The following COL14A1 variants were observed in gnomAD, a reference collection of about 807,000 sequenced individuals.
COL14A1 encodes collagen alpha-1(XIV) chain.
COL14A1 carries 136 observed loss-of-function variants against 230.3 expected under a neutral mutation model. That is an observed-to-expected ratio of 0.59 (90% confidence interval 0.51 to 0.68). The LOEUF is 0.68. Among genes scored for constraint, COL14A1 ranks in the 30% least tolerant of loss-of-function variants. The probability of loss-of-function intolerance (pLI) is 0.00; values close to 1 mark genes in which losing one functional copy is unlikely to be tolerated. For missense variants in COL14A1, 1,976 were observed against 2,215.8 expected (o/e 0.89, Z 2.17); for synonymous variants, 792 against 784.1 (o/e 1.01, Z -0.17).
chr8:120,210,015 G>GAA, intron 12 of COL14A1, 114 bp downstream of exon 12: 7 of 837,032 alleles, frequency 8.4e-6, no homozygotes, highest in African/African-American at 1.8e-5. Context: ...TTAGCCAAAA[G>GAA]AAAAAAAAAC....
At chr8:120,359,495 A>C (rs1823115895) in intron 45 of COL14A1, among the ~76,000 whole-genome samples, 1 of 152,132 alleles carries the variant, frequency 6.6e-6, no homozygotes, top group South Asian at 2.1e-4. Context: ...CTCCAATTTA[A>C]ATATTATCAA....
intron 5 of COL14A1, among the ~76,000 whole-genome samples, chr8:120,176,289 A>G (rs951365430): frequency 6.6e-6 from 1 of 152,138 alleles, no homozygotes; most frequent in African/African-American, 2.4e-5. Context: ...GCAGAATTCT[A>G]CCCTCATGGA....
intron 42 of COL14A1, among the ~76,000 whole-genome samples, chr8:120,340,109 AGTGT>A (rs10665249): frequency 0.041 from 5,948 of 143,982 alleles, 175 homozygotes; most frequent in Non-Finnish European, 0.06. Context: ...TGAGTGAGTG[AGTGT>A]GTGTGTGTGT....
intron 2 of COL14A1, among the ~76,000 whole-genome samples, chr8:120,152,335 C>A (rs895802615): frequency 6.6e-6 from 1 of 151,476 alleles, no homozygotes; most frequent in Non-Finnish European, 1.5e-5. Flanking sequence ...TGGTGGCGGG[C>A]GCCTGTAGTC....
chr8:120,228,850 A>G, intron 18 of COL14A1, 81 bp downstream of exon 18: 2 of 1,213,090 alleles, frequency 1.6e-6, no homozygotes, highest in Non-Finnish European at 2.4e-6. Context: ...TTTATTTATT[A>G]TTAACTAGGA....
At chr8:120,222,325 A>ATTAACCATTGCCG (rs1029541440) in intron 14 of COL14A1, among the ~76,000 whole-genome samples, 1 of 152,244 alleles carries the variant, frequency 6.6e-6, no homozygotes, top group African/African-American at 2.4e-5. Flanking sequence ...CATATTTTCA[A>ATTAACCATTGCCG]TTAACCATTG....
intron 5 of COL14A1, among the ~76,000 whole-genome samples, chr8:120,186,009 G>A (rs1295551218): frequency 6.6e-6 from 1 of 152,066 alleles, no homozygotes; most frequent in East Asian, 1.9e-4. Flanking sequence ...CTGACCTCAG[G>A]TGATCCACCC....
intron 18 of COL14A1, among the ~76,000 whole-genome samples, chr8:120,229,088 C>A (rs369252927): frequency 1.4e-5 from 1 of 72,964 alleles, no homozygotes; most frequent in East Asian, 8.6e-4. Context: ...TTTTTTTTTT[C>A]TTTTTATTTT....
intron 44 of COL14A1, 65 bp from the exon 45 acceptor site, chr8:120,345,310 C>A (rs1480791396): frequency 1.2e-5 from 17 of 1,436,210 alleles, no homozygotes; most frequent in Non-Finnish European, 1.6e-5. Flanking sequence ...ACAAATGACA[C>A]CCCTGGTCCT....
chr8:120,235,458 C>G (rs1818411899), intron 19 of COL14A1, among the ~76,000 whole-genome samples: 1 of 152,038 alleles, frequency 6.6e-6, no homozygotes, highest in Admixed American at 6.6e-5. Context: ...CATGCACCAC[C>G]CCTGCCCCCT....
chr8:120,167,959 T>A (rs113283147), intron 4 of COL14A1, among the ~76,000 whole-genome samples: 1 of 152,212 alleles, frequency 6.6e-6, no homozygotes, highest in African/African-American at 2.4e-5. Context: ...AAGTAATTCC[T>A]TAAGTGTTTC....
At chr8:120,267,539 A>G (rs1306819867) in intron 25 of COL14A1, among the ~76,000 whole-genome samples, 1 of 151,916 alleles carries the variant, frequency 6.6e-6, no homozygotes, top group Non-Finnish European at 1.5e-5. Flanking sequence ...TGTACCACCC[A>G]GAAGTGGTAA....
intron 2 of COL14A1, among the ~76,000 whole-genome samples, chr8:120,154,786 T>C (rs1815408019): frequency 6.6e-6 from 1 of 152,066 alleles, no homozygotes; most frequent in South Asian, 2.1e-4. Flanking sequence ...GTTAAGTATA[T>C]GTTAAAAAAA....
chr8:120,147,021 C>T (rs1310475385), intron 1 of COL14A1, among the ~76,000 whole-genome samples: 1 of 151,960 alleles, frequency 6.6e-6, no homozygotes, highest in African/African-American at 2.4e-5. Flanking sequence ...CTGCCTCTCT[C>T]CCTTTCTCCC....
intron 25 of COL14A1, 80 bp downstream of exon 25, chr8:120,266,963 G>T (rs1305040058): frequency 1.7e-6 from 2 of 1,209,832 alleles, no homozygotes; most frequent in Non-Finnish European, 2.4e-6. Flanking sequence ...TTTCAAACCA[G>T]GATATTAATA....
At chr8:120,260,722 C>T (rs1055218330) in intron 23 of COL14A1, among the ~76,000 whole-genome samples, 4 of 152,148 alleles carry the variant, frequency 2.6e-5, no homozygotes, top group Admixed American at 2.0e-4. Context: ...CAACAATGCT[C>T]TGTGCCTACG....
At chr8:120,300,632 A>T (rs1383493188) in intron 35 of COL14A1, 100 bp from the exon 36 acceptor site, 1 of 911,274 alleles carries the variant, frequency 1.1e-6, no homozygotes, top group African/African-American at 1.7e-5. Flanking sequence ...TGCACTTGAA[A>T]ATCTAAAAAT....
At chr8:120,206,290 A>T (rs1043992358) in intron 9 of COL14A1, among the ~76,000 whole-genome samples, 6 of 152,198 alleles carry the variant, frequency 3.9e-5, no homozygotes, top group East Asian at 1.9e-4. Flanking sequence ...GATAAAAAAA[A>T]CTTCTTAAGA....
At chr8:120,231,735 C>T (rs1818275293) in intron 19 of COL14A1, 117 bp downstream of exon 19, 1 of 1,077,018 alleles carries the variant, frequency 9.3e-7, no homozygotes, top group South Asian at 1.8e-5. Context: ...TCTGCCATCT[C>T]CAGAAACTAA....
Sources: allele counts gnomAD v4.1 joint callset (sites outside exome capture counted in the v4.1 genomes callset), GRCh38; gene constraint gnomAD v4.1.1; transcripts MANE v1.5; gene names NCBI Gene and HGNC (gene_info 2026-07-23, HGNC 2026-07-21).